Variants in TMEM269 observed in about 807,000 individuals in gnomAD.
TMEM269 encodes transmembrane protein 269.
Under a neutral mutation model 15.8 loss-of-function variants are expected in TMEM269, and 12 were observed. The observed-to-expected ratio is 0.76, with a 90% confidence interval of 0.49 to 1.23. The LOEUF (loss-of-function observed/expected upper bound fraction) is 1.23, where lower values mean the gene tolerates loss of function less well. Among genes scored for constraint, TMEM269 ranks in the 50% most tolerant of loss-of-function variants. The pLI is 0.00. For synonymous variants in TMEM269, 93 were observed against 99.3 expected, an observed-to-expected ratio of 0.94 and a Z score of 0.38; for missense variants, 211 against 245.4, an observed-to-expected ratio of 0.86 and a Z score of 0.94.
intron 1 of TMEM269, among the ~76,000 whole-genome samples, chr1:42,786,759 T>C (rs1653548797): frequency 6.6e-6 from 1 of 152,224 alleles, no homozygotes; most frequent in South Asian, 2.1e-4. Flanking sequence ...CTTAATCTTC[T>C]CTGTGTCCCA....
rs1424639830 is a variant in TMEM269 at position 42,798,774 on chromosome 1, G to A, written c.*549G>A. ...TTTTTTTTTTTTGAGAAGGAGTCTC[G>A]CTCTTTCACCCAGGCTGGAGTGCAG... On this transcript the variant is annotated 3_prime_UTR_variant, in exon 6 of 6. Transcript: ENST00000637012. The A allele has an allele frequency of 1.8e-5, 2 of 114,260 alleles. No individual in the cohort carries two copies. The highest frequency in any genetic ancestry group is 6.9e-5 in the African/African-American group (2 of 29,058). 7.1% of individuals were successfully genotyped at this position (114,260 alleles called of 1,614,324 possible). A position where few individuals can be genotyped will look rare whatever the true frequency, so the allele number is the denominator to read the frequency against.
Position 42,792,814 on chromosome 1 carries a change from C to T in TMEM269, c.51C>T (p.His17=), listed in dbSNP as rs949406837. The stretch of plus-strand genomic sequence containing the variant: ...CTGGCCTGCACTTTAGGAAATGCCA[C>T]TATGCCTCCCGGATGCTCCTGGTCA... ...SIIFSFSRKC[H]YASRMLLVSF... is the part of the protein sequence containing the mutation. The change falls in exon 3 of 6, where the codon CAC becomes CAT. Residue 17 remains histidine, a synonymous_variant. Transcript: ENST00000637012. 6.4e-7 allele frequency: 1 copy of T among 1,550,530 alleles called. No individual in the cohort carries two copies. The highest frequency in any genetic ancestry group is 2.4e-5 in the East Asian group (1 of 40,908).
At chr1:42,785,436 C>T (rs951507421) in intron 1 of TMEM269, among the ~76,000 whole-genome samples, 2 of 152,174 alleles carry the variant, frequency 1.3e-5, no homozygotes, top group Non-Finnish European at 2.9e-5. Context: ...ACCTCAGAGC[C>T]ATATTCAACT....
chr1:42,798,025 G>T, intron 5 of TMEM269, 73 bp from the exon 6 acceptor site: 1 of 1,511,224 alleles, frequency 6.6e-7, no homozygotes. Flanking sequence ...GGGTGGGGAC[G>T]GGAGAGTAGA....
At chr1:42,789,471 T>C in intron 1 of TMEM269, 1 of 1,535,540 alleles carries the variant, frequency 6.5e-7, no homozygotes, top group Non-Finnish European at 8.7e-7. Context: ...TTCTGGGCCA[T>C]GGGGCTTCAG....
rs888175904 is a variant in TMEM269 at position 42,787,516 on chromosome 1, C to T, written c.-98-2280C>T. 6.7e-4 allele frequency among the ~76,000 whole-genome samples: 95 copies of T among 142,416 alleles called. 2 individuals carry two copies. Among genetic ancestry groups the T allele is most frequent in the Non-Finnish European group, 2.0e-4 (13 of 66,424 alleles). The allele number at this position is 142,416 out of a possible 152,430, so 93.4% of individuals were successfully genotyped here. A position where few individuals can be genotyped will look rare whatever the true frequency, so the allele number is the denominator to read the frequency against. ...TGGGGAGGCTGAGGCAGGAGAATGG[C>T]GTGAACCCGGGAAGCGGAGCTTGCA... On this transcript the variant is annotated intron_variant, in intron 1 of 5. Coordinates refer to ENST00000637012, the MANE Select transcript of TMEM269 (RefSeq NM_001354602.2).
chr1:42,793,634 C>T lies in TMEM269; in HGVS notation c.173C>T (p.Thr58Ile). ...AELNDFAVFT[T>I]FGLASALLLG... ...CTGAATGACTTTGCCGTCTTCACCA[C>T]CTTCGGCTTGGCCTCCGCTCTGCTC... is the stretch of plus-strand genomic sequence containing the variant. The change falls in exon 4 of 6, where the codon ACC (threonine) becomes ATC (isoleucine). Residue 58 changes from threonine to isoleucine, a missense_variant. By Grantham distance (89) the Thr-to-Ile change is moderately conservative. Transcript: ENST00000637012. The T allele has an allele frequency of 6.4e-7, 1 of 1,550,490 alleles. No individual in the cohort carries two copies. The highest frequency in any genetic ancestry group is 8.7e-7 in the Non-Finnish European group (1 of 1,146,926).
chr1:42,797,728 T>C lies in TMEM269; in HGVS notation c.485-370T>C, dbSNP rs2124225242. The C allele has an allele frequency of 2.2e-6, 1 of 464,330 alleles. No homozygotes were observed. The highest frequency in any genetic ancestry group is 4.4e-6 in the Non-Finnish European group (1 of 227,882). The allele number at this position is 464,330 out of a possible 1,614,324, so 28.8% of individuals were successfully genotyped here. ...TTTTCTGCATACATATCATACTGCA[T>C]TGGTCGTTATCACATGTTAAATTTA... is the stretch of plus-strand genomic sequence containing the variant. On this transcript the variant is annotated intron_variant, in intron 5 of 5. Coordinates refer to ENST00000637012, the MANE Select transcript of TMEM269 (RefSeq NM_001354602.2). This position sits in a 1 kb window ranked among gnomAD's most constrained non-coding sequence, Gnocchi z 4.9.
At chr1:42,789,972 G>T in intron 2 of TMEM269, 38 bp downstream of exon 2, 1 of 1,420,366 alleles carries the variant, frequency 7.0e-7, no homozygotes, top group South Asian at 1.2e-5. Flanking sequence ...GCCAAGAGCT[G>T]GAGCCAATGG....
intron 2 of TMEM269, among the ~76,000 whole-genome samples, chr1:42,790,545 G>A (rs995113722): frequency 1.3e-5 from 2 of 150,386 alleles, no homozygotes; most frequent in African/African-American, 4.9e-5. Flanking sequence ...GGTTTTTGGA[G>A]TATAATAAAG....
intron 3 of TMEM269, 127 bp downstream of exon 3, chr1:42,793,029 G>C: frequency 1.3e-6 from 1 of 748,702 alleles, no homozygotes; most frequent in Admixed American, 2.1e-5. Context: ...ACCCCGCTGA[G>C]AGCAGCAGCA....
At chr1:42,787,819 AC>A in intron 1 of TMEM269, among the ~76,000 whole-genome samples, 1 of 152,186 alleles carries the variant, frequency 6.6e-6, no homozygotes, top group African/African-American at 2.4e-5. Context: ...GACCCTGGGC[AC>A]CTGCTAACTG....
Position 42,798,217 on chromosome 1 carries a change from C to A in TMEM269, c.604C>A (p.Gln202Lys), listed in dbSNP as rs1327848316. Reference protein sequence around the residue: ...LWGKAACLSPQH With the variant: ...LWGKAACLSPKH ...GGGCAAGGCAGCCTGTCTTTCGCCA[C>A]AGCACTGAGGAAGCTAAGCAGCTCT... Residue 202 changes from glutamine (Q) to lysine (K), a missense_variant, in exon 6 of 6, where the codon CAG (glutamine) becomes AAG (lysine). Transcript: ENST00000637012. The A allele has an allele frequency of 1.9e-6, 3 of 1,546,446 alleles. No homozygotes were observed. The highest frequency in any genetic ancestry group is 3.9e-5 in the Admixed American group (2 of 50,994).
intron 5 of TMEM269, among the ~76,000 whole-genome samples, chr1:42,795,765 G>A (rs1483851214): frequency 6.6e-6 from 1 of 152,172 alleles, no homozygotes; most frequent in African/African-American, 2.4e-5. Context: ...ATGTGCTCCT[G>A]TAAACAAGAC....
At chr1:42,789,600 C>G in intron 1 of TMEM269, 196 bp from the exon 2 acceptor site, 1 of 1,157,448 alleles carries the variant, frequency 8.6e-7, no homozygotes, top group Admixed American at 2.0e-5. Context: ...TTTCCCAAGA[C>G]GCTGGATCCT....
intron 5 of TMEM269, chr1:42,796,525 C>T (rs1212335687): frequency 6.8e-6 from 1 of 146,666 alleles, no homozygotes; most frequent in Admixed American, 7.0e-5. Context: ...ACTCTGAAAC[C>T]TTATATGAAA....
chr1:42,793,961 C>T (rs1653748510), intron 4 of TMEM269, among the ~76,000 whole-genome samples: 1 of 152,218 alleles, frequency 6.6e-6, no homozygotes, highest in African/African-American at 2.4e-5. Context: ...CTTGGAGCAG[C>T]TGTGCCTCTT....
intron 2 of TMEM269, among the ~76,000 whole-genome samples, chr1:42,792,527 T>C (rs1227229881): frequency 6.6e-6 from 1 of 152,110 alleles, no homozygotes; most frequent in Non-Finnish European, 1.5e-5. Flanking sequence ...GAAGGGATCT[T>C]AGTGATGTTC....
intron 1 of TMEM269, among the ~76,000 whole-genome samples, chr1:42,786,903 G>A (rs535089142): frequency 1.3e-5 from 2 of 152,298 alleles, no homozygotes; most frequent in Admixed American, 6.5e-5. Flanking sequence ...GCATTCTGCT[G>A]CAAACAGCAT....
Sources: gnomAD v4.1 joint callset for allele counts (sites outside exome capture counted in the v4.1 genomes callset) on GRCh38, gnomAD v4.1.1 for gene constraint, Gnocchi (gnomAD v3.1) non-coding constraint, MANE v1.5 for transcripts, NCBI Gene and HGNC (gene_info 2026-07-23, HGNC 2026-07-21) for gene names.